The following ANKRD6 variants were observed in gnomAD, a reference collection of about 807,000 sequenced individuals.
ANKRD6 encodes ankyrin repeat domain-containing protein 6.
ANKRD6 carries 56 observed loss-of-function variants against 82.3 expected under a neutral mutation model. The ratio of observed to expected loss-of-function variants is 0.68; its 90% CI spans 0.55 to 0.85. ANKRD6 has a LOEUF of 0.85. Among genes scored for constraint, ANKRD6 ranks in the 40% least tolerant of loss-of-function variants. The probability of loss-of-function intolerance (pLI) is 0.00; values close to 1 mark genes in which losing one functional copy is unlikely to be tolerated. For synonymous variants in ANKRD6, 347 were observed against 352.1 expected, an observed-to-expected ratio of 0.99 and a Z score of 0.16; for missense variants, 852 against 907.6, an observed-to-expected ratio of 0.94 and a Z score of 0.79.
intron 1 of ANKRD6, among the ~76,000 whole-genome samples, chr6:89,533,714 G>A (rs1319449558): frequency 1.4e-5 from 2 of 146,702 alleles, no homozygotes; most frequent in African/African-American, 5.0e-5. Context: ...GAGAGAGAGA[G>A]AGAGAGAAAA....
At chr6:89,524,481 A>C (rs1443200896) in intron 1 of ANKRD6, among the ~76,000 whole-genome samples, 1 of 152,034 alleles carries the variant, frequency 6.6e-6, no homozygotes, top group East Asian at 1.9e-4. Flanking sequence ...TTCGTTTCTT[A>C]CTCAGCCATA....
At chr6:89,622,102 A>G in intron 10 of ANKRD6, 76 bp downstream of exon 10, 1 of 1,386,844 alleles carries the variant, frequency 7.2e-7, no homozygotes. Flanking sequence ...TGCTTCGGCC[A>G]GGTTCACCTG....
intron 5 of ANKRD6, 114 bp downstream of exon 5, chr6:89,606,219 G>A: frequency 1.3e-6 from 1 of 742,448 alleles, no homozygotes. Flanking sequence ...AGTGGCACGA[G>A]GAACCTGAAG....
chr6:89,485,337 G>A (rs1777245917), intron 1 of ANKRD6, among the ~76,000 whole-genome samples: 2 of 152,200 alleles, frequency 1.3e-5, no homozygotes, highest in South Asian at 2.1e-4. Flanking sequence ...CAGGACATGC[G>A]GCTGTGGCAA....
chr6:89,579,957 C>G (rs563175188), intron 2 of ANKRD6, among the ~76,000 whole-genome samples: 1 of 152,142 alleles, frequency 6.6e-6, no homozygotes, highest in East Asian at 1.9e-4. Context: ...TCCGGACATA[C>G]TGGTATCTTC....
At chr6:89,520,536 G>A (rs1419816230) in intron 1 of ANKRD6, among the ~76,000 whole-genome samples, 1 of 152,202 alleles carries the variant, frequency 6.6e-6, no homozygotes, top group Non-Finnish European at 1.5e-5. Context: ...TCACATCACT[G>A]TTTCCTGGAT....
intron 2 of ANKRD6, among the ~76,000 whole-genome samples, chr6:89,589,399 C>T (rs1381929435): frequency 6.6e-6 from 1 of 152,200 alleles, no homozygotes; most frequent in East Asian, 1.9e-4. Context: ...ACGCCTTGGT[C>T]TACCTGGAGA....
At chr6:89,577,951 A>G (rs528810700) in intron 2 of ANKRD6, among the ~76,000 whole-genome samples, 1 of 152,346 alleles carries the variant, frequency 6.6e-6, no homozygotes, top group African/African-American at 2.4e-5. Flanking sequence ...CATAAAATTC[A>G]TCTCCATTTG....
intron 1 of ANKRD6, among the ~76,000 whole-genome samples, chr6:89,446,687 A>G (rs1172164728): frequency 6.6e-6 from 1 of 152,198 alleles, no homozygotes; most frequent in Non-Finnish European, 1.5e-5. Flanking sequence ...GTTCAAGACC[A>G]GCCTGACCAA....
intron 6 of ANKRD6, among the ~76,000 whole-genome samples, chr6:89,613,125 A>C (rs1474770906): frequency 6.6e-6 from 1 of 152,162 alleles, no homozygotes; most frequent in Non-Finnish European, 1.5e-5. Context: ...TTTTGTCTCC[A>C]GTTCTTTATT....
chr6:89,567,195 G>A (rs940851981), intron 2 of ANKRD6, 99 bp downstream of exon 2: 2 of 1,454,068 alleles, frequency 1.4e-6, no homozygotes, highest in Non-Finnish European at 1.8e-6. Flanking sequence ...AGCTTTCAAA[G>A]AACTGGCTTT....
At chr6:89,511,126 C>T (rs1263414619) in intron 1 of ANKRD6, among the ~76,000 whole-genome samples, 1 of 152,186 alleles carries the variant, frequency 6.6e-6, no homozygotes, top group Non-Finnish European at 1.5e-5. Context: ...AGGCTGAGGT[C>T]ATGAAGGGGT....
At chr6:89,471,920 C>T (rs1036503533) in intron 1 of ANKRD6, among the ~76,000 whole-genome samples, 5 of 92,932 alleles carry the variant, frequency 5.4e-5, no homozygotes, top group Non-Finnish European at 5.7e-5. Context: ...GCCTGGGCAA[C>T]AAGAGCGAAA....
At chr6:89,510,055 A>G (rs1368740069) in intron 1 of ANKRD6, among the ~76,000 whole-genome samples, 1 of 152,180 alleles carries the variant, frequency 6.6e-6, no homozygotes, top group Non-Finnish European at 1.5e-5. Flanking sequence ...GAAGCATGCT[A>G]TATCACTTTT....
At chr6:89,534,972 TG>T (rs892657948) in intron 1 of ANKRD6, among the ~76,000 whole-genome samples, 4 of 152,176 alleles carry the variant, frequency 2.6e-5, no homozygotes, top group Non-Finnish European at 4.4e-5. Flanking sequence ...GCTGCACACT[TG>T]GCAGATGGAA....
chr6:89,621,770 G>A, intron 9 of ANKRD6, 152 bp from the exon 10 acceptor site: 1 of 705,228 alleles, frequency 1.4e-6, no homozygotes, highest in Non-Finnish European at 2.5e-6. Context: ...GAGGATGGTA[G>A]GTGGTCCAGA....
chr6:89,572,414 T>C (rs1432016652), intron 2 of ANKRD6, among the ~76,000 whole-genome samples: 1 of 152,230 alleles, frequency 6.6e-6, no homozygotes, highest in Admixed American at 6.5e-5. Context: ...CAGCATTTGG[T>C]GTTTCAATCT....
rs139640181 is a variant in ANKRD6, at chr6:89,613,716, A to G, written c.517-76A>G. 8.9e-6 allele frequency: 12 copies of G among 1,346,382 alleles called. No homozygotes were observed. In the African/African-American group the frequency reaches 1.6e-4, roughly 18 times the overall value. 83.4% of individuals were successfully genotyped at this position (1,346,382 alleles called of 1,614,324 possible). A position where few individuals can be genotyped will look rare whatever the true frequency, so the allele number is the denominator to read the frequency against. On this transcript the variant is annotated intron_variant, in intron 6 of 15. Transcript: ENST00000339746. Reference sequence around the variant, plus strand: ...CATGATAGTCTGCTAGCTTTTAAATAACATTTTCTTTCTACTTTTCTCTAT... The same window carrying G: ...CATGATAGTCTGCTAGCTTTTAAATGACATTTTCTTTCTACTTTTCTCTAT...
intron 1 of ANKRD6, among the ~76,000 whole-genome samples, chr6:89,463,022 C>T (rs997509160): frequency 2.0e-5 from 3 of 152,028 alleles, no homozygotes; most frequent in African/African-American, 7.2e-5. Context: ...CCATGCCCAG[C>T]TAATTTTTTA....
Sources: allele counts gnomAD v4.1 joint callset (sites outside exome capture counted in the v4.1 genomes callset), GRCh38; gene constraint gnomAD v4.1.1; transcripts MANE v1.5; gene names NCBI Gene and HGNC (gene_info 2026-07-23, HGNC 2026-07-21).